Variants in SLIT1 observed in about 807,000 individuals in gnomAD.
SLIT1 encodes slit guidance ligand 1.
Under a neutral mutation model 186.1 loss-of-function variants are expected in SLIT1, and 66 were observed. The ratio of observed to expected loss-of-function variants is 0.35; its 90% confidence interval spans 0.29 to 0.44. SLIT1 has a LOEUF of 0.44. Ranked by LOEUF, SLIT1 falls within the 20% of genes least tolerant of loss-of-function variation. The pLI is 1.00. For synonymous variants in SLIT1, 761 were observed against 833.8 expected (o/e 0.91, Z 1.50); for missense variants, 1,638 against 2,037.4 (o/e 0.80, Z 3.77).
intron 4 of SLIT1, among the ~76,000 whole-genome samples, chr10:97,137,003 C>T (rs1384093664): frequency 6.6e-6 from 1 of 152,190 alleles, no homozygotes; most frequent in Non-Finnish European, 1.5e-5. Flanking sequence ...CTGGAAAAAC[C>T]AGCAAGCATC....
At position 97,022,721 on chromosome 10, in the gene SLIT1, C is replaced by T. The variant is rs754463028; in HGVS notation, c.2583-1308G>A. Among the ~76,000 whole-genome samples, 14 of 152,170 alleles carry T rather than the reference C, an allele frequency of 9.2e-5. No individual in the cohort carries two copies. The highest frequency in any genetic ancestry group is 1.6e-4 in the Non-Finnish European group (11 of 68,030). On this transcript the variant is annotated intron_variant, in intron 25 of 36. Coordinates refer to ENST00000266058, the MANE Select transcript of SLIT1 (RefSeq NM_003061.3). The surrounding 1 kb of genome is among the most constrained non-coding windows in gnomAD (Gnocchi z 4.2). ...TATAAATTGTGATACATTCACATTA[C>T]GAAAAACAAAAGTCTACACCCCACT...
intron 18 of SLIT1, among the ~76,000 whole-genome samples, chr10:97,044,193 G>A (rs1848715910): frequency 6.6e-6 from 1 of 152,216 alleles, no homozygotes; most frequent in African/African-American, 2.4e-5. Flanking sequence ...CCAGGGGTTT[G>A]AGACCAGCCT....
intron 4 of SLIT1, among the ~76,000 whole-genome samples, chr10:97,076,147 A>C (rs577446340): frequency 6.6e-6 from 1 of 152,312 alleles, no homozygotes; most frequent in Non-Finnish European, 1.5e-5. Context: ...TGCATGGAAG[A>C]TGCCTGAGGG....
rs186219387 is a variant in SLIT1, at chr10:97,143,232, G to A, written c.413+14586C>T. Among the ~76,000 whole-genome samples, 4 of 152,314 alleles carry A rather than the reference G, an allele frequency of 2.6e-5. No individual in the cohort carries two copies. In the East Asian group the frequency reaches 7.7e-4, roughly 29 times the overall value. On this transcript the variant is annotated intron_variant, in intron 4 of 36. Transcript: ENST00000266058. ...ATATCTAAGAGGTAGCAGTAACCCA[G>A]CTGTCCATCACAGATGAATGGATAA... is the stretch of plus-strand genomic sequence containing the variant.
intron 30 of SLIT1, 113 bp from the exon 31 acceptor site, chr10:97,011,243 A>ATGGAACTTGAG: frequency 1.4e-6 from 1 of 732,812 alleles, no homozygotes; most frequent in Non-Finnish European, 2.3e-6. Context: ...GAGAACCTCA[A>ATGGAACTTGAG]GTTCCATTGA....
chr10:97,060,557 G>A (rs2306953), intron 9 of SLIT1, 83 bp downstream of exon 9: 123,786 of 1,548,732 alleles, frequency 0.08, 5,271 homozygotes, highest in South Asian at 0.13. Flanking sequence ...CTGAGGCAGC[G>A]CCTACTCCAG....
At chr10:97,013,944 C>G (rs1848432055) in intron 29 of SLIT1, 75 bp downstream of exon 29, 1 of 1,583,936 alleles carries the variant, frequency 6.3e-7, no homozygotes, top group African/African-American at 1.3e-5. Flanking sequence ...GATCCCCTTC[C>G]ACTCCCGAGC....
chr10:97,043,562 C>A lies in SLIT1; in HGVS notation c.1854-49G>T. 2 of 1,569,768 alleles carry A rather than the reference C, an allele frequency of 1.3e-6. No individual in the cohort carries two copies. The stretch of plus-strand genomic sequence containing the variant: ...GAGGGGACCCTTGCTGCCCTGCCAG[C>A]CATCCACCTGGGCCACGCAGCTTCC... On this transcript the variant is annotated intron_variant, in intron 18 of 36. Coordinates refer to ENST00000266058, the MANE Select transcript of SLIT1 (RefSeq NM_003061.3). The surrounding 1 kb of genome is among the most constrained non-coding windows in gnomAD (Gnocchi z 7.0).
In SLIT1 at chr10:97,019,127, C is replaced by G. The variant is rs765773033; in HGVS notation, c.2747-20G>C. 5 of 1,380,370 alleles carry G rather than the reference C, an allele frequency of 3.6e-6. No individual in the cohort carries two copies. Among genetic ancestry groups the G allele is most frequent in the Non-Finnish European group, 5.2e-6 (5 of 968,046 alleles). 85.5% of individuals were successfully genotyped at this position (1,380,370 alleles called of 1,614,324 possible). On this transcript the variant is annotated intron_variant, in intron 26 of 36. Coordinates refer to ENST00000266058, the MANE Select transcript of SLIT1 (RefSeq NM_003061.3). ...GAGGACCTGCAGCAAGGGGAGGGTG[C>G]TAGTGCAGGGGGAGGGGTGGGCAGC...
At chr10:97,087,172 C>T (rs1376463510) in intron 4 of SLIT1, among the ~76,000 whole-genome samples, 1 of 151,948 alleles carries the variant, frequency 6.6e-6, no homozygotes, top group East Asian at 1.9e-4. Context: ...CCCCCTGCCG[C>T]CACCACCCCC....
chr10:97,051,048 TGGC>T (rs1189402994), intron 13 of SLIT1, among the ~76,000 whole-genome samples: 2 of 152,168 alleles, frequency 1.3e-5, no homozygotes, highest in African/African-American at 4.8e-5. Context: ...GCTGCATATG[TGGC>T]CACGCAGCTG....
In SLIT1 at chr10:97,138,179, C is replaced by T. The variant is rs116116388; in HGVS notation, c.413+19639G>A. Among the ~76,000 whole-genome samples, 583 of 152,306 alleles carry T rather than the reference C, an allele frequency of 3.8e-3. 2 individuals are homozygous for T. Among genetic ancestry groups the T allele is most frequent in the African/African-American group, 0.011 (446 of 41,562 alleles). On this transcript the variant is annotated intron_variant, in intron 4 of 36. Transcript: ENST00000266058. ...ACCGAGGGCTGGCATTTTACATACG[C>T]GGGTTCCGAAGGGCTGATTGCGGAA...
In SLIT1 at chr10:97,014,008, G is replaced by A; in HGVS notation, c.3109+11C>T. On this transcript the variant is annotated intron_variant, in intron 29 of 36. Coordinates refer to ENST00000266058, the MANE Select transcript of SLIT1 (RefSeq NM_003061.3). ...CACCTCCCCCAGACACTGCTGCCCT[G>A]ACGCACTTACCCTCATACTGCAGGG... is the stretch of plus-strand genomic sequence containing the variant. The A allele has an allele frequency of 1.2e-6, 2 of 1,612,612 alleles. No individual in the cohort carries two copies. The highest frequency in any genetic ancestry group is 1.7e-6 in the Non-Finnish European group (2 of 1,179,922).
Position 97,046,770 on chromosome 10 carries a change from T to A in SLIT1, c.1737A>T (p.Glu579Asp), listed in dbSNP as rs769428990. 1 of 1,612,492 alleles carries A rather than the reference T, an allele frequency of 6.2e-7. No homozygotes were observed. Among genetic ancestry groups the A allele is most frequent in the Non-Finnish European group, 8.5e-7 (1 of 1,180,036 alleles). ...KINLSNNKVS[E>D]IEDGAFEGAA... ...CGCCCTCGAAGGCCCCATCTTCAAT[T>A]TCTGACACCTTGTTGTTGCTCAGAT... Residue 579 changes from glutamate (E) to aspartate (D), a missense_variant, in exon 18 of 37, where the codon GAA becomes GAT. Glu to Asp is a conservative substitution (Grantham distance 45). Transcript: ENST00000266058.
At chr10:97,090,503 G>C (rs1286319325) in intron 4 of SLIT1, among the ~76,000 whole-genome samples, 1 of 152,202 alleles carries the variant, frequency 6.6e-6, no homozygotes, top group East Asian at 1.9e-4. Context: ...TGGACTCAAA[G>C]TGAGTTGGAG....
At chr10:97,172,571 C>T (rs184636670) in intron 1 of SLIT1, among the ~76,000 whole-genome samples, 33 of 152,238 alleles carry the variant, frequency 2.2e-4, no homozygotes. Flanking sequence ...GTGGGTTTTC[C>T]ATGTTTCTTT....
rs759049531 is a variant in SLIT1 at position 97,060,143 on chromosome 10, G to A, written c.957C>T (p.Asn319=). The A allele has an allele frequency of 8.1e-5, 130 of 1,613,916 alleles. No individual in the cohort carries two copies. The highest frequency in any genetic ancestry group is 1.6e-4 in the Middle Eastern group (1 of 6,082). The change falls in exon 10 of 37, where the codon AAC becomes AAT. Residue 319 remains asparagine (N), a synonymous_variant. Transcript: ENST00000266058. ...ETMTEIRLEL[N]GIKSIPPGAF... Reference sequence around the variant, plus strand: ...CTCCAGGAGGGATGGACTTGATGCCGTTCAGCTCCAGGCGTCTGCGGGGAG... The same window carrying A: ...CTCCAGGAGGGATGGACTTGATGCCATTCAGCTCCAGGCGTCTGCGGGGAG...
At chr10:97,107,983 C>G (rs1320028464) in intron 4 of SLIT1, among the ~76,000 whole-genome samples, 1 of 152,170 alleles carries the variant, frequency 6.6e-6, no homozygotes, top group African/African-American at 2.4e-5. Flanking sequence ...AGGCTCCGGT[C>G]CGGGGGCAAA....
At chr10:97,081,668 A>G (rs1014243577) in intron 4 of SLIT1, among the ~76,000 whole-genome samples, 1 of 152,264 alleles carries the variant, frequency 6.6e-6, no homozygotes, top group East Asian at 1.9e-4. Flanking sequence ...CTCAAAGGGA[A>G]TAAGACCCTA....
Sources: gnomAD v4.1 joint callset for allele counts (sites outside exome capture counted in the v4.1 genomes callset) on GRCh38, gnomAD v4.1.1 for gene constraint, Gnocchi (gnomAD v3.1) non-coding constraint, MANE v1.5 for transcripts, NCBI Gene and HGNC (gene_info 2026-07-23, HGNC 2026-07-21) for gene names.